The following FAT3 variants were observed in gnomAD, a reference collection of about 807,000 sequenced individuals.
The protein encoded by FAT3 is FAT atypical cadherin 3.
FAT3 carries 95 observed loss-of-function variants against 310.2 expected under a neutral mutation model. That is an observed-to-expected ratio of 0.31 (90% CI 0.26 to 0.36). The LOEUF (loss-of-function observed/expected upper bound fraction) is 0.36. Ranked by LOEUF, FAT3 falls within the 10% of genes least tolerant of loss-of-function variation. The pLI is 1.00. For missense variants in FAT3, 5,408 were observed against 5,715.6 expected (o/e 0.95, Z 1.74); for synonymous variants, 2,314 against 2,192.9 (o/e 1.06, Z -1.54).
At chr11:92,471,059 G>A (rs1018788217) in intron 2 of FAT3, among the ~76,000 whole-genome samples, 4 of 152,120 alleles carry the variant, frequency 2.6e-5, no homozygotes, top group African/African-American at 9.7e-5. Flanking sequence ...CTGCGTAGCA[G>A]TCTATTTGAT....
intron 1 of FAT3, among the ~76,000 whole-genome samples, chr11:92,275,089 G>A (rs988801207): frequency 6.6e-6 from 1 of 152,080 alleles, no homozygotes; most frequent in African/African-American, 2.4e-5. Context: ...TGTAGTGTGT[G>A]CCATGAACGC....
At chr11:92,348,860 C>G (rs375201197) in intron 1 of FAT3, among the ~76,000 whole-genome samples, 1 of 152,006 alleles carries the variant, frequency 6.6e-6, no homozygotes, top group African/African-American at 2.4e-5. Context: ...GAATAGGAAA[C>G]GGAGCATATT....
chr11:92,296,356 T>C (rs553895423), intron 1 of FAT3, among the ~76,000 whole-genome samples: 1 of 152,114 alleles, frequency 6.6e-6, no homozygotes, highest in South Asian at 2.1e-4. Flanking sequence ...TGGGAAGTGG[T>C]GGAATAATAC....
rs182970872 is a variant in FAT3, at chr11:92,247,367, C to T, written c.-18+22193C>T. Among the ~76,000 whole-genome samples the T allele has an allele frequency of 7.2e-4, 109 of 151,322 alleles. 2 individuals carry two copies. Among genetic ancestry groups the T allele is most frequent in the Admixed American group, 6.8e-3 (103 of 15,198 alleles). On this transcript the variant is annotated intron_variant, in intron 1 of 27. Transcript: ENST00000525166. ...CTTTTGTAGGGCTCCCGAATCCCTG[C>T]TCCTTTTTGTCCTCTTTTGCTCTTG...
chr11:92,575,133 T>C (rs528503064), intron 3 of FAT3, among the ~76,000 whole-genome samples: 39 of 152,312 alleles, frequency 2.6e-4, no homozygotes, highest in Non-Finnish European at 5.1e-4. Context: ...GTTGTTTCAC[T>C]AATATCTTTT....
At chr11:92,327,907 A>C (rs2134520992) in intron 1 of FAT3, among the ~76,000 whole-genome samples, 1 of 152,328 alleles carries the variant, frequency 6.6e-6, no homozygotes, top group South Asian at 2.1e-4. Flanking sequence ...TGATCTAAAC[A>C]GTTACAAAAA....
At chr11:92,615,910 T>G (rs1190982498) in intron 3 of FAT3, among the ~76,000 whole-genome samples, 1 of 152,226 alleles carries the variant, frequency 6.6e-6, no homozygotes, top group Non-Finnish European at 1.5e-5. Flanking sequence ...CGTGGTCAAT[T>G]TTGGAATAAG....
At chr11:92,246,136 A>T (rs892851655) in intron 1 of FAT3, among the ~76,000 whole-genome samples, 8 of 152,002 alleles carry the variant, frequency 5.3e-5, no homozygotes, top group African/African-American at 1.9e-4. Flanking sequence ...CAGTGGATGG[A>T]GTGAAGAGGG....
rs1565296344 is a variant in FAT3 at position 92,412,732 on chromosome 11, T to TATATATATATACACAC, written c.3292+57339_3292+57340insCACACATATATATATA. On this transcript the variant is annotated intron_variant, in intron 2 of 27. Transcript: ENST00000525166. ...ATATATATATATATATATATATATA[T>TATATATATATACACAC]ATATATATATATAAATATACATACA... is the stretch of plus-strand genomic sequence containing the variant. Among the ~76,000 whole-genome samples, 94 of 17,910 alleles carry TATATATATATACACAC rather than the reference T, an allele frequency of 5.2e-3. 5 individuals carry two copies. The highest frequency in any genetic ancestry group is 0.011 in the Non-Finnish European group (60 of 5,698). The allele number at this position is 17,910 out of a possible 152,430, so 11.7% of individuals were successfully genotyped here.
intron 2 of FAT3, among the ~76,000 whole-genome samples, chr11:92,473,561 C>T (rs10830918): frequency 0.055 from 8,398 of 152,186 alleles, 484 homozygotes; most frequent in African/African-American, 0.14. Context: ...CATCTTAAGG[C>T]GTCAATACAG....
At chr11:92,502,924 GT>G (rs1418971577) in intron 2 of FAT3, among the ~76,000 whole-genome samples, 1 of 152,068 alleles carries the variant, frequency 6.6e-6, no homozygotes, top group Non-Finnish European at 1.5e-5. Flanking sequence ...TTTAAAATCT[GT>G]TTCCTCATTT....
At chr11:92,613,962 C>T (rs1940688666) in intron 3 of FAT3, among the ~76,000 whole-genome samples, 1 of 152,112 alleles carries the variant, frequency 6.6e-6, no homozygotes, top group African/African-American at 2.4e-5. Context: ...TGTACATTTG[C>T]CTACTGTGGA....
chr11:92,781,669 G>T (rs988951656), intron 7 of FAT3, among the ~76,000 whole-genome samples: 1 of 152,146 alleles, frequency 6.6e-6, no homozygotes, highest in African/African-American at 2.4e-5. Flanking sequence ...TTAACCAACT[G>T]CTGTCTGTGT....
chr11:92,414,349 AG>A (rs1339147348), intron 2 of FAT3, among the ~76,000 whole-genome samples: 1 of 152,330 alleles, frequency 6.6e-6, no homozygotes, highest in East Asian at 1.9e-4. Flanking sequence ...ATGCTTAAAA[AG>A]AGAACTAGAA....
intron 2 of FAT3, among the ~76,000 whole-genome samples, chr11:92,447,079 G>A (rs1406175961): frequency 6.6e-6 from 1 of 151,822 alleles, no homozygotes; most frequent in Non-Finnish European, 1.5e-5. Flanking sequence ...GCCAAAAAGT[G>A]TTGATTGAAT....
At position 92,882,874 on chromosome 11, in the gene FAT3, G is replaced by A. The variant is rs1317946826; in HGVS notation, c.12418G>A (p.Val4140Ile). The A allele has an allele frequency of 1.9e-6, 3 of 1,612,298 alleles. No individual in the cohort carries two copies. The highest frequency in any genetic ancestry group is 2.5e-6 in the Non-Finnish European group (3 of 1,179,440). The change falls in exon 24 of 28, where the codon GTA becomes ATA. Residue 4140 changes from valine (V) to isoleucine (I), a missense_variant. Physicochemically the swap from Val to Ile is conservative, Grantham distance 29. Coordinates refer to ENST00000525166, the MANE Select transcript of FAT3 (RefSeq NM_001367949.2). Reference sequence around the variant, plus strand: ...GTACTGCGGGCTGCGCCCCGTGGTGGTACCCAATATCCAGGCTGGCCACTC... The same window carrying A: ...GTACTGCGGGCTGCGCCCCGTGGTGATACCCAATATCCAGGCTGGCCACTC... ...GQYCGLRPVV[V>I]PNIQAGHSYV...
intron 1 of FAT3, among the ~76,000 whole-genome samples, chr11:92,330,445 C>T (rs375932465): frequency 1.3e-5 from 2 of 152,174 alleles, no homozygotes; most frequent in East Asian, 1.9e-4. Context: ...GCTTCCTCAG[C>T]GGTACAATGA....
Position 92,892,989 on chromosome 11 carries a change from A to C in FAT3, c.*1876A>C, listed in dbSNP as rs1266446411. 1 of 152,214 alleles carries C rather than the reference A, an allele frequency of 6.6e-6. No homozygotes were observed. Among genetic ancestry groups the C allele is most frequent in the Non-Finnish European group, 1.5e-5 (1 of 68,046 alleles). The allele number at this position is 152,214 out of a possible 1,614,324, so 9.4% of individuals were successfully genotyped here. ...TGGTAAATATATGCATATTTGCACTATCTGCTTAATGAGCAAATCTGTGTC... is the reference window on the plus strand; with the variant it reads ...TGGTAAATATATGCATATTTGCACTCTCTGCTTAATGAGCAAATCTGTGTC... On this transcript the variant is annotated 3_prime_UTR_variant, in exon 28 of 28. Coordinates refer to ENST00000525166, the MANE Select transcript of FAT3 (RefSeq NM_001367949.2).
intron 1 of FAT3, among the ~76,000 whole-genome samples, chr11:92,264,282 T>G (rs1261823147): frequency 6.6e-6 from 1 of 152,204 alleles, no homozygotes; most frequent in Non-Finnish European, 1.5e-5. Context: ...TGGAATACTT[T>G]AAGACTCCAA....
Sources: gnomAD v4.1 joint callset for allele counts (sites outside exome capture counted in the v4.1 genomes callset) on GRCh38, gnomAD v4.1.1 for gene constraint, MANE v1.5 for transcripts, NCBI Gene and HGNC (gene_info 2026-07-23, HGNC 2026-07-21) for gene names.